THAP1: variants seen among roughly 807,000 people sequenced by gnomAD.
THAP1 encodes THAP domain-containing protein 1.
THAP1 carries 6 observed loss-of-function variants against 18.2 expected under a neutral mutation model. The ratio of observed to expected loss-of-function variants is 0.33; its 90% CI spans 0.18 to 0.65. The LOEUF (loss-of-function observed/expected upper bound fraction) is 0.65. Ranked by LOEUF, THAP1 falls within the 30% of genes least tolerant of loss-of-function variation. The pLI is 0.74. For missense variants in THAP1, 176 were observed against 253.0 expected, an observed-to-expected ratio of 0.70 and a Z score of 2.06; for synonymous variants, 85 against 90.5, an observed-to-expected ratio of 0.94 and a Z score of 0.34.
intron 1 of THAP1, among the ~76,000 whole-genome samples, chr8:42,840,639 A>G (rs1252037032): frequency 6.6e-6 from 1 of 152,170 alleles, no homozygotes; most frequent in Non-Finnish European, 1.5e-5. Context: ...CGCTGCCACT[A>G]TGTAGAGGGT....
chr8:42,842,952 G>C, intron 1 of THAP1, 72 bp downstream of exon 1: 2 of 862,882 alleles, frequency 2.3e-6, no homozygotes, highest in Non-Finnish European at 3.0e-6. Flanking sequence ...GCCTGGCTCC[G>C]CCCCCGGCCC....
At chr8:42,839,995 G>C (rs1006063298) in intron 1 of THAP1, among the ~76,000 whole-genome samples, 1 of 152,118 alleles carries the variant, frequency 6.6e-6, no homozygotes, top group East Asian at 1.9e-4. Flanking sequence ...CCAAGAGTTC[G>C]AGACTAGCCT....
chr8:42,837,827 A>T lies in THAP1; in HGVS notation c.*135T>A, dbSNP rs181850921. The T allele has an allele frequency of 0.017, 16,681 of 973,780 alleles. 187 individuals are homozygous for T. The highest frequency in any genetic ancestry group is 0.02 in the Non-Finnish European group (13,868 of 709,874). 60.3% of individuals were successfully genotyped at this position (973,780 alleles called of 1,614,324 possible). A position where few individuals can be genotyped will look rare whatever the true frequency, so the allele number is the denominator to read the frequency against. On this transcript the variant is annotated 3_prime_UTR_variant, in exon 3 of 3. Transcript: ENST00000254250. Reference sequence around the variant, plus strand: ...TTTATAATTTTACAGTATATATAGAATTTTTTTTAAAAAAATATTCTGAAC... The same window carrying T: ...TTTATAATTTTACAGTATATATAGATTTTTTTTTAAAAAAATATTCTGAAC...
chr8:42,843,200 G>A lies in THAP1; in HGVS notation c.-106C>T, dbSNP rs2128919312. On this transcript the variant is annotated 5_prime_UTR_variant, in exon 1 of 3. Coordinates refer to ENST00000254250, the MANE Select transcript of THAP1 (RefSeq NM_018105.3). ...ATTCCCTCGCTTCTTTTGTAGCTTT[G>A]GCCAACAGTTACAGTGATGGTGGCC... 2 of 1,421,486 alleles carry A rather than the reference G, an allele frequency of 1.4e-6. No individual in the cohort carries two copies. The allele number at this position is 1,421,486 out of a possible 1,614,324, so 88.1% of individuals were successfully genotyped here. A position where few individuals can be genotyped will look rare whatever the true frequency, so the allele number is the denominator to read the frequency against.
chr8:42,838,099 G>A lies in THAP1; in HGVS notation c.505C>T (p.Arg169Ter), dbSNP rs1131691345. The change falls in exon 3 of 3, where the codon CGA (arginine) becomes TGA (stop). Residue 169 changes from arginine (R) to a stop codon, truncating the protein, a stop_gained. Coordinates refer to ENST00000254250, the MANE Select transcript of THAP1 (RefSeq NM_018105.3). LOFTEE classifies it high-confidence loss of function. ...AGCTGCCGTTCTTGCCTTCTGCATCGCTGCTGTGCGGTCTTGAGCTTCTTT... is the reference window on the plus strand; with the variant it reads ...AGCTGCCGTTCTTGCCTTCTGCATCACTGCTGTGCGGTCTTGAGCTTCTTT... Reference protein sequence around the residue: ...LRKKLKTAQQRCRRQERQLEK... With the variant: ...LRKKLKTAQQ 1 of 1,614,134 alleles carries A rather than the reference G, an allele frequency of 6.2e-7. No individual in the cohort carries two copies. Among genetic ancestry groups the A allele is most frequent in the Non-Finnish European group, 8.5e-7 (1 of 1,180,036 alleles).
rs1434339831 is a variant in THAP1, at chr8:42,843,212, C to T, written c.-118G>A. ...CTTTTGTAGCTTTGGCCAACAGTTA[C>T]AGTGATGGTGGCCTCCCTCGGGGGT... On this transcript the variant is annotated 5_prime_UTR_variant, in exon 1 of 3. Coordinates refer to ENST00000254250, the MANE Select transcript of THAP1 (RefSeq NM_018105.3). 1.6e-6 allele frequency: 2 copies of T among 1,272,090 alleles called. No individual in the cohort carries two copies. Among genetic ancestry groups the T allele is most frequent in the East Asian group, 4.8e-5 (2 of 41,470 alleles). 78.8% of individuals were successfully genotyped at this position (1,272,090 alleles called of 1,614,324 possible).
intron 1 of THAP1, chr8:42,842,557 T>A (rs1198338827): frequency 6.6e-6 from 1 of 152,270 alleles, no homozygotes; most frequent in South Asian, 2.1e-4. Flanking sequence ...AAATTCTCCC[T>A]GATTTCCCAG....
chr8:42,838,397 G>A, intron 2 of THAP1, 61 bp from the exon 3 acceptor site: 1 of 1,598,338 alleles, frequency 6.3e-7, no homozygotes, highest in Admixed American at 1.7e-5. Context: ...AAAAGAATCT[G>A]TGGACTGACC....
chr8:42,837,956 AT>A lies in THAP1; in HGVS notation c.*5del. On this transcript the variant is annotated 3_prime_UTR_variant, in exon 3 of 3. Coordinates refer to ENST00000254250, the MANE Select transcript of THAP1 (RefSeq NM_018105.3). ...CCCATTAGAAATCAATACACATTTC[AT>A]TTTTTTATGCTGGTACTTCAACTAT... is the stretch of plus-strand genomic sequence containing the variant. 1 of 1,611,936 alleles carries A rather than the reference AT, an allele frequency of 6.2e-7. No individual in the cohort carries two copies.
rs1253358292 is a variant in THAP1, at chr8:42,838,056, A to G, written c.548T>C (p.Val183Ala). 6.2e-7 allele frequency: 1 copy of G among 1,613,828 alleles called. No individual in the cohort carries two copies. The highest frequency in any genetic ancestry group is 1.7e-5 in the Admixed American group (1 of 59,940). ...QERQLEKLKE[V>A]VHFQKEKDDV... ...GTCTTTCTCTTTCTGGAAGTGAACAACCTCCTTTAATTTTTCAAGCTGCCG... is the reference window on the plus strand; with the variant it reads ...GTCTTTCTCTTTCTGGAAGTGAACAGCCTCCTTTAATTTTTCAAGCTGCCG... Residue 183 changes from valine (V) to alanine (A), a missense_variant, in exon 3 of 3, where the codon GTT becomes GCT. Val to Ala is a moderately conservative substitution (Grantham distance 64). Transcript: ENST00000254250.
Position 42,838,109 on chromosome 8 carries a change from G to C in THAP1, c.495C>G (p.Thr165=). ...CTTGCCTTCTGCATCGCTGCTGTGC[G>C]GTCTTGAGCTTCTTTCTGAGTTTTT... ...QVEKLRKKLK[T]AQQRCRRQER... The change falls in exon 3 of 3, where the codon ACC becomes ACG. Residue 165 remains threonine (T), a synonymous_variant. Transcript: ENST00000254250. The C allele has an allele frequency of 6.2e-7, 1 of 1,614,140 alleles. No homozygotes were observed.
intron 1 of THAP1, among the ~76,000 whole-genome samples, chr8:42,842,110 C>T (rs1321821628): frequency 6.6e-6 from 1 of 152,158 alleles, no homozygotes; most frequent in Non-Finnish European, 1.5e-5. Context: ...TGATTTCTTA[C>T]CTATCATCTG....
chr8:42,838,446 T>G, intron 2 of THAP1, 110 bp from the exon 3 acceptor site: 1 of 1,434,452 alleles, frequency 7.0e-7, no homozygotes, highest in South Asian at 1.2e-5. Context: ...AGTACTTTTG[T>G]GAGGAAGAGG....
chr8:42,839,834 T>G (rs1802684054), intron 1 of THAP1, among the ~76,000 whole-genome samples: 1 of 152,234 alleles, frequency 6.6e-6, no homozygotes, highest in African/African-American at 2.4e-5. Context: ...CGTGAGCCAC[T>G]GTGCCTGGCC....
Position 42,837,741 on chromosome 8 carries a change from G to GT in THAP1, c.*220dup. The stretch of plus-strand genomic sequence containing the variant: ...AACTTACATTAGAGGTCTGAGGTTA[G>GT]TTTATAACTTTTAAAATATTTTGTT... On this transcript the variant is annotated 3_prime_UTR_variant, in exon 3 of 3. Transcript: ENST00000254250. 1 of 361,872 alleles carries GT rather than the reference G, an allele frequency of 2.8e-6. No individual in the cohort carries two copies. The highest frequency in any genetic ancestry group is 4.6e-5 in the Admixed American group (1 of 21,790). The allele number at this position is 361,872 out of a possible 1,614,324, so 22.4% of individuals were successfully genotyped here. A position where few individuals can be genotyped will look rare whatever the true frequency, so the allele number is the denominator to read the frequency against.
chr8:42,839,313 GGTT>G lies in THAP1; in HGVS notation c.137_139del (p.Lys46_Pro47delinsThr), dbSNP rs773679247. 14 of 1,613,860 alleles carry G rather than the reference GGTT, an allele frequency of 8.7e-6. No homozygotes were observed. Among genetic ancestry groups the G allele is most frequent in the Non-Finnish European group, 1.7e-6 (2 of 1,179,972 alleles). On this transcript the variant is annotated inframe_deletion, in exon 2 of 3. Transcript: ENST00000254250. ...TGAACAAATACTGCTATACTTGGTG[GGTT>G]TAAAGTTTTTTCTTCTGACAGCTGC...
At chr8:42,842,589 C>T (rs1315947693) in intron 1 of THAP1, 1 of 152,332 alleles carries the variant, frequency 6.6e-6, no homozygotes. Flanking sequence ...TTAATTGCTA[C>T]GATGCTGGCC....
rs778653023 is a variant in THAP1 at position 42,839,240 on chromosome 8, T to C, written c.213A>G (p.Leu71=). 6.6e-5 allele frequency: 107 copies of C among 1,614,016 alleles called. No individual in the cohort carries two copies. Among genetic ancestry groups the C allele is most frequent in the Non-Finnish European group, 8.3e-5 (98 of 1,180,016 alleles). Residue 71 remains leucine (L), a synonymous_variant, in exon 2 of 3, where the codon TTA becomes TTG. Transcript: ENST00000254250. ...DCFKRECNNK[L]LKENAVPTIF... Reference sequence around the variant, plus strand: ...TTGTGGGCACAGCATTCTCTTTCAGTAACTTGTTGTTGCACTCTCTCTTAA... The same window carrying C: ...TTGTGGGCACAGCATTCTCTTTCAGCAACTTGTTGTTGCACTCTCTCTTAA...
At chr8:42,839,100 C>T (rs555505284) in intron 2 of THAP1, 86 bp downstream of exon 2, 30 of 1,442,114 alleles carry the variant, frequency 2.1e-5, no homozygotes, top group Non-Finnish European at 2.4e-5. Flanking sequence ...ATTCTCTTAA[C>T]ACTAACTCAA....
Sources: allele counts gnomAD v4.1 joint callset (sites outside exome capture counted in the v4.1 genomes callset), GRCh38; gene constraint gnomAD v4.1.1; transcripts MANE v1.5; gene names NCBI Gene and HGNC (gene_info 2026-07-23, HGNC 2026-07-21).